Variants in TRIO observed in about 807,000 individuals in gnomAD.
The protein encoded by TRIO is triple functional domain protein.
TRIO carries 58 observed loss-of-function variants against 351.9 expected under a neutral mutation model. The ratio of observed to expected loss-of-function variants is 0.16; its 90% CI spans 0.13 to 0.21. The LOEUF is 0.21. Among genes scored for constraint, TRIO ranks in the 10% least tolerant of loss-of-function variants. The pLI, the probability that TRIO is intolerant of heterozygous loss-of-function variation, is 1.00. For synonymous variants in TRIO, 1,758 were observed against 1,595.7 expected, an observed-to-expected ratio of 1.10 and a Z score of -2.42; for missense variants, 3,201 against 4,027.8, an observed-to-expected ratio of 0.79 and a Z score of 5.56.
At chr5:14,221,890 G>A (rs954565812) in intron 1 of TRIO, among the ~76,000 whole-genome samples, 4 of 152,218 alleles carry the variant, frequency 2.6e-5, no homozygotes, top group Admixed American at 6.5e-5. Flanking sequence ...CTCTAATTTC[G>A]AAAGAAGTTC....
At chr5:14,266,601 G>A (rs1795692741) in intron 1 of TRIO, among the ~76,000 whole-genome samples, 1 of 152,166 alleles carries the variant, frequency 6.6e-6, no homozygotes, top group Non-Finnish European at 1.5e-5. Context: ...AATTAATTTT[G>A]GCAAGTAGTA....
At chr5:14,294,522 TACTAAAA>T (rs1737180178) in intron 6 of TRIO, among the ~76,000 whole-genome samples, 1 of 152,200 alleles carries the variant, frequency 6.6e-6, no homozygotes, top group Non-Finnish European at 1.5e-5. Flanking sequence ...AAACTAGAAA[TACTAAAA>T]TATGTGCTAG....
At chr5:14,253,973 AT>A (rs1279575347) in intron 1 of TRIO, among the ~76,000 whole-genome samples, 104 of 147,500 alleles carry the variant, frequency 7.1e-4, no homozygotes, top group African/African-American at 1.2e-3. Flanking sequence ...CTTCTTTCTG[AT>A]TTTTTTTTTT....
chr5:14,321,952 C>G (rs1310362857), intron 9 of TRIO, among the ~76,000 whole-genome samples: 1 of 152,200 alleles, frequency 6.6e-6, no homozygotes, highest in Non-Finnish European at 1.5e-5. Context: ...TTAGGCCTCC[C>G]TAGCCATGCT....
Position 14,247,432 on chromosome 5 carries a change from G to A in TRIO, c.158-23393G>A, listed in dbSNP as rs149774046. On this transcript the variant is annotated intron_variant, in intron 1 of 56. Transcript: ENST00000344204. ...GCTTTAAATGAAGTCTTACTAATTC[G>A]TATATCCTATTATGGTAAGATATAA... 7.9e-3 allele frequency among the ~76,000 whole-genome samples: 1,201 copies of A among 152,302 alleles called. 14 individuals carry two copies. The highest frequency in any genetic ancestry group is 0.027 in the African/African-American group (1,140 of 41,552).
At chr5:14,453,856 A>T (rs983614305) in intron 34 of TRIO, among the ~76,000 whole-genome samples, 2 of 152,170 alleles carry the variant, frequency 1.3e-5, no homozygotes, top group Non-Finnish European at 1.5e-5. Context: ...ACTGAGAGTT[A>T]GTTGACTTTT....
intron 1 of TRIO, among the ~76,000 whole-genome samples, chr5:14,149,240 G>A (rs1196583627): frequency 6.6e-6 from 1 of 152,172 alleles, no homozygotes; most frequent in Non-Finnish European, 1.5e-5. Context: ...CTGCTAGTTC[G>A]TAAATCTCAA....
At chr5:14,369,944 T>G (rs1007670486) in intron 18 of TRIO, among the ~76,000 whole-genome samples, 3 of 152,190 alleles carry the variant, frequency 2.0e-5, no homozygotes. Context: ...AAGCACGGCA[T>G]GGAGTAGACA....
chr5:14,424,313 T>G (rs1172449197), intron 34 of TRIO, among the ~76,000 whole-genome samples: 2 of 152,138 alleles, frequency 1.3e-5, no homozygotes, highest in Non-Finnish European at 2.9e-5. Context: ...TGCTTGTGCT[T>G]TCAAATATGT....
At chr5:14,277,866 G>C (rs374662877) in intron 2 of TRIO, among the ~76,000 whole-genome samples, 1 of 152,232 alleles carries the variant, frequency 6.6e-6, no homozygotes, top group African/African-American at 2.4e-5. Flanking sequence ...CTGAGGAGGA[G>C]TCAGCAGAAA....
chr5:14,314,663 C>T (rs1238833139), intron 8 of TRIO, among the ~76,000 whole-genome samples: 8 of 152,206 alleles, frequency 5.3e-5, no homozygotes, highest in Non-Finnish European at 1.2e-4. Context: ...AAAAGCAGGA[C>T]ATTTCTTCAC....
intron 7 of TRIO, among the ~76,000 whole-genome samples, chr5:14,301,309 G>A (rs1737861717): frequency 6.6e-6 from 1 of 152,028 alleles, no homozygotes; most frequent in South Asian, 2.1e-4. Flanking sequence ...AGGATCCCCA[G>A]ATCTGAAGCA....
chr5:14,457,838 A>G (rs10041242), intron 34 of TRIO, among the ~76,000 whole-genome samples: 4,019 of 152,222 alleles, frequency 0.026, 183 homozygotes, highest in African/African-American at 0.092. Context: ...CAGAGGGACC[A>G]GGTCAGAATA....
chr5:14,160,212 GGGTT>G (rs1788369682), intron 1 of TRIO, among the ~76,000 whole-genome samples: 1 of 152,158 alleles, frequency 6.6e-6, no homozygotes, highest in African/African-American at 2.4e-5. Flanking sequence ...GAGCAGGTTG[GGGTT>G]GGTCTGCTGG....
At chr5:14,158,600 G>A (rs1257033829) in intron 1 of TRIO, among the ~76,000 whole-genome samples, 2 of 152,210 alleles carry the variant, frequency 1.3e-5, no homozygotes, top group Non-Finnish European at 2.9e-5. Context: ...GGGAGGCCAA[G>A]GTGGGAGAAT....
intron 11 of TRIO, among the ~76,000 whole-genome samples, chr5:14,352,355 G>A (rs1286839372): frequency 2.6e-5 from 4 of 152,164 alleles, no homozygotes; most frequent in Non-Finnish European, 5.9e-5. Context: ...AACTTCCATA[G>A]GACACAACTC....
intron 34 of TRIO, among the ~76,000 whole-genome samples, chr5:14,459,677 G>T (rs1441820943): frequency 3.3e-5 from 5 of 152,200 alleles, no homozygotes; most frequent in Non-Finnish European, 7.4e-5. Flanking sequence ...GGCAGAGATT[G>T]CAGTGAGCTG....
At chr5:14,379,398 C>T (rs778676735) in intron 20 of TRIO, among the ~76,000 whole-genome samples, 17 of 152,174 alleles carry the variant, frequency 1.1e-4, no homozygotes, top group African/African-American at 9.7e-5. Context: ...TCTAGAAGGA[C>T]GCAGCCCATG....
intron 34 of TRIO, among the ~76,000 whole-genome samples, chr5:14,443,708 C>A (rs559084791): frequency 6.6e-6 from 1 of 152,344 alleles, no homozygotes; most frequent in African/African-American, 2.4e-5. Flanking sequence ...GTAATCTGCA[C>A]AGAAGCCTGT....
Sources: gnomAD v4.1 joint callset for allele counts (sites outside exome capture counted in the v4.1 genomes callset) on GRCh38, gnomAD v4.1.1 for gene constraint, MANE v1.5 for transcripts, NCBI Gene and HGNC (gene_info 2026-07-23, HGNC 2026-07-21) for gene names.